Variants in SCLT1 observed in about 807,000 individuals in gnomAD.
The protein encoded by SCLT1 is sodium channel and clathrin linker 1.
A neutral mutation model predicts 112.8 loss-of-function variants in SCLT1; 78 were observed. The observed-to-expected ratio is 0.69, with a 90% CI of 0.58 to 0.83. The LOEUF is 0.83. SCLT1 is among the 40% of genes least tolerant of loss of function. The probability of loss-of-function intolerance (pLI) is 0.00; values close to 1 mark genes in which losing one functional copy is unlikely to be tolerated. For synonymous variants in SCLT1, 257 were observed against 254.7 expected, an observed-to-expected ratio of 1.01 and a Z score of -0.09; for missense variants, 747 against 770.4, an observed-to-expected ratio of 0.97 and a Z score of 0.36.
At chr4:129,014,791 G>A (rs1744845438) in intron 5 of SCLT1, among the ~76,000 whole-genome samples, 1 of 152,212 alleles carries the variant, frequency 6.6e-6, no homozygotes, top group Non-Finnish European at 1.5e-5. Flanking sequence ...ATTCACATGT[G>A]CCAGCAATAG....
intron 9 of SCLT1, among the ~76,000 whole-genome samples, chr4:128,985,262 A>C (rs1015085901): frequency 6.6e-6 from 1 of 152,272 alleles, no homozygotes; most frequent in African/African-American, 2.4e-5. Context: ...TACACTACAT[A>C]TATATGTAAC....
At chr4:129,013,561 C>A (rs369272200) in intron 5 of SCLT1, among the ~76,000 whole-genome samples, 7 of 152,070 alleles carry the variant, frequency 4.6e-5, no homozygotes, top group African/African-American at 1.4e-4. Context: ...TTCTCCTTCG[C>A]TTATGAAGTT....
At chr4:129,047,505 T>C (rs370863393) in intron 2 of SCLT1, among the ~76,000 whole-genome samples, 7 of 152,070 alleles carry the variant, frequency 4.6e-5, no homozygotes, top group Admixed American at 4.6e-4. Flanking sequence ...TCTTGTCCCT[T>C]TTCATATAAA....
chr4:128,923,141 C>T (rs574374321), intron 18 of SCLT1, among the ~76,000 whole-genome samples: 35 of 152,124 alleles, frequency 2.3e-4, no homozygotes, highest in African/African-American at 6.0e-4. Flanking sequence ...ATGTAACCAC[C>T]GCTGCAATTA....
chr4:128,887,035 T>C (rs1181225726), intron 20 of SCLT1, among the ~76,000 whole-genome samples: 2 of 152,226 alleles, frequency 1.3e-5, no homozygotes, highest in Admixed American at 1.3e-4. Context: ...TTAATTCTTT[T>C]GATCCTTTAA....
At chr4:129,043,124 C>T (rs1747860916) in intron 4 of SCLT1, among the ~76,000 whole-genome samples, 1 of 151,964 alleles carries the variant, frequency 6.6e-6, no homozygotes, top group African/African-American at 2.4e-5. Flanking sequence ...GTTACCCAGG[C>T]TGGTCTCAAG....
chr4:129,087,572 C>T (rs1752498604), intron 1 of SCLT1, among the ~76,000 whole-genome samples: 1 of 150,874 alleles, frequency 6.6e-6, no homozygotes, highest in Admixed American at 6.6e-5. Context: ...CAAAGGGAGA[C>T]CCGGCTTCTA....
At chr4:129,059,925 C>A (rs985859435) in intron 2 of SCLT1, among the ~76,000 whole-genome samples, 4 of 152,156 alleles carry the variant, frequency 2.6e-5, no homozygotes, top group African/African-American at 9.7e-5. Flanking sequence ...GCTATTATTT[C>A]ATTAATAGGT....
Position 128,957,141 on chromosome 4 carries a change from T to C in SCLT1, c.1048-17A>G. The C allele has an allele frequency of 7.2e-7, 1 of 1,385,414 alleles. No individual in the cohort carries two copies. Among genetic ancestry groups the C allele is most frequent in the Non-Finnish European group, 1.0e-6 (1 of 989,052 alleles). 85.8% of individuals were successfully genotyped at this position (1,385,414 alleles called of 1,614,324 possible). A position where few individuals can be genotyped will look rare whatever the true frequency, so the allele number is the denominator to read the frequency against. On this transcript the variant is annotated splice_polypyrimidine_tract_variant and intron_variant, in intron 12 of 20. Coordinates refer to ENST00000281142, the MANE Select transcript of SCLT1 (RefSeq NM_144643.4). ...AAGTAGAGCCTTCAGAAAATAATCA[T>C]TTCATGTTATAGATAACATTATTAT... is the stretch of plus-strand genomic sequence containing the variant.
At chr4:129,051,456 G>A (rs555177260) in intron 2 of SCLT1, among the ~76,000 whole-genome samples, 1 of 152,100 alleles carries the variant, frequency 6.6e-6, no homozygotes, top group East Asian at 1.9e-4. Context: ...CTTGTAAGTT[G>A]TATTCCTAGG....
chr4:129,045,060 T>C (rs1229048401), intron 2 of SCLT1, among the ~76,000 whole-genome samples: 7 of 151,980 alleles, frequency 4.6e-5, no homozygotes, highest in African/African-American at 1.7e-4. Flanking sequence ...TAGTACTGGA[T>C]AGCAAAACAA....
At chr4:129,053,911 T>A (rs576259797) in intron 2 of SCLT1, among the ~76,000 whole-genome samples, 10 of 152,260 alleles carry the variant, frequency 6.6e-5, no homozygotes, top group African/African-American at 1.9e-4. Context: ...CTTTCCATAT[T>A]TAGTGCTTCC....
chr4:128,961,086 C>T (rs148541440), intron 11 of SCLT1, among the ~76,000 whole-genome samples: 2 of 151,924 alleles, frequency 1.3e-5, no homozygotes, highest in Non-Finnish European at 2.9e-5. Flanking sequence ...TTTAATACAG[C>T]TAAATTTGAC....
rs1268793823 is a variant in SCLT1 at position 129,055,831 on chromosome 4, A to C, written c.103-11780T>G. 4.1e-5 allele frequency among the ~76,000 whole-genome samples: 6 copies of C among 146,446 alleles called. No homozygotes were observed. The South Asian group carries it at 9.0e-4, about 22-fold the overall frequency. On this transcript the variant is annotated intron_variant, in intron 2 of 20. Transcript: ENST00000281142. ...GCGCCACTGGCATAAAAAAAAAAAA[A>C]CAAAAACAAACAAACAAACAAACAA...
intron 5 of SCLT1, among the ~76,000 whole-genome samples, chr4:129,015,787 A>T (rs531406835): frequency 6.6e-6 from 1 of 152,238 alleles, no homozygotes; most frequent in East Asian, 1.9e-4. Context: ...GAGACCAGGA[A>T]TGAGTCCAGT....
intron 9 of SCLT1, among the ~76,000 whole-genome samples, chr4:128,985,691 G>A (rs1282422669): frequency 1.3e-5 from 2 of 152,090 alleles, no homozygotes. Flanking sequence ...TACAAGTAAA[G>A]AAATCTTTTC....
At chr4:128,991,823 T>C (rs1157051111) in intron 9 of SCLT1, among the ~76,000 whole-genome samples, 1 of 151,840 alleles carries the variant, frequency 6.6e-6, no homozygotes, top group Non-Finnish European at 1.5e-5. Flanking sequence ...AACAATACAG[T>C]ATATAATCTA....
At chr4:129,046,732 T>C (rs1226415089) in intron 2 of SCLT1, among the ~76,000 whole-genome samples, 2 of 152,150 alleles carry the variant, frequency 1.3e-5, no homozygotes, top group Admixed American at 1.3e-4. Context: ...CAGTCAGATC[T>C]AGAAGAAAAT....
rs77885682 is a variant in SCLT1 at position 128,943,120 on chromosome 4, C to T, written c.1508G>A (p.Arg503Lys). ...TTCACTGACAAGCCCACAGTTCTCT[C>T]TCTCAGACTCCAATACATTTTGAAG... ...QKLQNVLESE[R>K]ENCGLVSEQR... The change falls in exon 17 of 21, where the codon AGA becomes AAA. Residue 503 changes from arginine to lysine, a missense_variant. Transcript: ENST00000281142. 3.3e-3 allele frequency: 5,310 copies of T among 1,612,654 alleles called. 129 individuals carry two copies. The East Asian group carries it at 0.047, about 14-fold the overall frequency.
Sources: gnomAD v4.1 joint callset for allele counts (sites outside exome capture counted in the v4.1 genomes callset) on GRCh38, gnomAD v4.1.1 for gene constraint, MANE v1.5 for transcripts, NCBI Gene and HGNC (gene_info 2026-07-23, HGNC 2026-07-21) for gene names.